The following EYS variants were observed in gnomAD, a reference collection of about 807,000 sequenced individuals.
The protein encoded by EYS is protein eyes shut homolog.
Under a neutral mutation model 282.1 loss-of-function variants are expected in EYS, and 250 were observed. The ratio of observed to expected loss-of-function variants is 0.89; its 90% confidence interval spans 0.80 to 0.98. The LOEUF (loss-of-function observed/expected upper bound fraction) is 0.98, where lower values mean the gene tolerates loss of function less well. Ranked by LOEUF, EYS falls within the 50% of genes least tolerant of loss-of-function variation. The probability of loss-of-function intolerance (pLI) is 0.00; values close to 1 mark genes in which losing one functional copy is unlikely to be tolerated. For missense variants in EYS, 4,016 were observed against 3,709.0 expected, an observed-to-expected ratio of 1.08 and a Z score of -2.15; for synonymous variants, 1,355 against 1,282.9, an observed-to-expected ratio of 1.06 and a Z score of -1.20.
intron 33 of EYS, among the ~76,000 whole-genome samples, chr6:64,046,325 AAT>A (rs937836197): frequency 1.3e-5 from 2 of 151,952 alleles, no homozygotes; most frequent in Non-Finnish European, 2.9e-5. Context: ...GAACATTTAA[AAT>A]GTCTCCTGTC....
chr6:64,042,798 C>T lies in EYS; in HGVS notation c.6725+23540G>A, dbSNP rs558452661. On this transcript the variant is annotated intron_variant, in intron 33 of 42. Transcript: ENST00000503581. ...GTCGACCACGTACTTTTAGGCTGGT[C>T]TCGGCTGACTTGCCTCTAGTCAATT... 5.3e-5 allele frequency among the ~76,000 whole-genome samples: 8 copies of T among 152,290 alleles called. No homozygotes were observed. In the South Asian group the frequency reaches 1.5e-3, roughly 28 times the overall value.
At chr6:63,721,882 A>C in intron 42 of EYS, 85 bp from the exon 43 acceptor site, 8 of 1,282,796 alleles carry the variant, frequency 6.2e-6, no homozygotes, top group Non-Finnish European at 8.4e-6. Context: ...AAGTTGGATA[A>C]GTTTTAGTTA....
intron 26 of EYS, among the ~76,000 whole-genome samples, chr6:64,511,631 TTTAG>T (rs1286048452): frequency 6.6e-6 from 1 of 152,032 alleles, no homozygotes; most frequent in African/African-American, 2.4e-5. Flanking sequence ...CGAACACTGC[TTTAG>T]TTAGTCTCCC....
intron 33 of EYS, among the ~76,000 whole-genome samples, chr6:64,000,985 C>G (rs1301706414): frequency 6.6e-6 from 1 of 152,148 alleles, no homozygotes; most frequent in Non-Finnish European, 1.5e-5. Context: ...ACTCTATAAA[C>G]AAATGAGATA....
chr6:65,560,737 T>C (rs990095089), intron 2 of EYS, among the ~76,000 whole-genome samples: 8 of 152,076 alleles, frequency 5.3e-5, no homozygotes, highest in Non-Finnish European at 1.2e-4. Context: ...ATGCGTAATA[T>C]AATGAATATA....
intron 37 of EYS, among the ~76,000 whole-genome samples, chr6:63,795,754 A>G (rs1276578393): frequency 6.6e-6 from 1 of 152,162 alleles, no homozygotes; most frequent in African/African-American, 2.4e-5. Context: ...ATGAACGAGA[A>G]GGGGAAATCT....
At chr6:65,562,820 C>A (rs77797106) in intron 2 of EYS, among the ~76,000 whole-genome samples, 6 of 151,846 alleles carry the variant, frequency 4.0e-5, no homozygotes, top group Admixed American at 3.9e-4. Context: ...TTTAACAGTC[C>A]TCTGCATGAA....
chr6:65,135,846 T>C (rs940783414), intron 12 of EYS, among the ~76,000 whole-genome samples: 7 of 152,060 alleles, frequency 4.6e-5, no homozygotes, highest in Admixed American at 4.6e-4. Flanking sequence ...TAAATGCAAA[T>C]TGTCCTGTAT....
intron 22 of EYS, among the ~76,000 whole-genome samples, chr6:64,694,119 G>T (rs1449963828): frequency 1.3e-5 from 2 of 152,030 alleles, no homozygotes; most frequent in Non-Finnish European, 2.9e-5. Context: ...AATGATAGTA[G>T]CTGAAAATTA....
At chr6:64,232,778 A>G (rs1766466085) in intron 30 of EYS, among the ~76,000 whole-genome samples, 1 of 152,202 alleles carries the variant, frequency 6.6e-6, no homozygotes, top group Admixed American at 6.5e-5. Context: ...GTAACTCTTT[A>G]GTTTTATAAA....
At chr6:64,772,588 A>C (rs1278011762) in intron 22 of EYS, among the ~76,000 whole-genome samples, 1 of 151,752 alleles carries the variant, frequency 6.6e-6, no homozygotes, top group East Asian at 1.9e-4. Context: ...GTGCTATCAA[A>C]TACTAGAACT....
intron 5 of EYS, among the ~76,000 whole-genome samples, chr6:65,457,002 C>T (rs1412679192): frequency 6.9e-6 from 1 of 144,324 alleles, no homozygotes; most frequent in African/African-American, 2.4e-5. Flanking sequence ...ACTTCTTTAC[C>T]CCCTTGAGTT....
chr6:65,666,942 C>A (rs1161248936), intron 1 of EYS, among the ~76,000 whole-genome samples: 3 of 149,394 alleles, frequency 2.0e-5, no homozygotes, highest in Non-Finnish European at 4.5e-5. Context: ...CGTAAATCTA[C>A]ATTGCCACCC....
intron 34 of EYS, among the ~76,000 whole-genome samples, chr6:63,986,539 C>T (rs1346564289): frequency 1.3e-5 from 2 of 151,556 alleles, no homozygotes; most frequent in African/African-American, 2.4e-5. Flanking sequence ...CCATCAGTGA[C>T]AGACTGGATA....
At chr6:65,161,029 T>C (rs1764839618) in intron 12 of EYS, among the ~76,000 whole-genome samples, 1 of 150,960 alleles carries the variant, frequency 6.6e-6, no homozygotes, top group Non-Finnish European at 1.5e-5. Flanking sequence ...AAAGTTTTCA[T>C]GGTATAACCT....
chr6:65,151,643 T>C (rs1043255802), intron 12 of EYS, among the ~76,000 whole-genome samples: 9 of 152,078 alleles, frequency 5.9e-5, no homozygotes, highest in Non-Finnish European at 8.8e-5. Context: ...TAATGTTCTA[T>C]AGCATGTTTC....
In EYS at chr6:64,436,511, T is replaced by G. The variant is rs114496265; in HGVS notation, c.5836-246A>C. On this transcript the variant is annotated intron_variant, in intron 27 of 42. Transcript: ENST00000503581. ...GCATACATGTGTACACATACATGTC[T>G]AGATTCTTTTCCAGTATTCTGAGGA... 2.8e-3 allele frequency among the ~76,000 whole-genome samples: 430 copies of G among 152,004 alleles called. 2 individuals carry two copies. Among genetic ancestry groups the G allele is most frequent in the Middle Eastern group, 6.8e-3 (2 of 294 alleles).
chr6:64,444,578 G>T (rs1054718863), intron 26 of EYS, among the ~76,000 whole-genome samples: 12 of 152,232 alleles, frequency 7.9e-5, no homozygotes, highest in African/African-American at 2.9e-4. Context: ...CAATTGTAAA[G>T]TACTTGAGAG....
At chr6:64,712,226 G>A (rs1305441924) in intron 22 of EYS, among the ~76,000 whole-genome samples, 2 of 152,226 alleles carry the variant, frequency 1.3e-5, no homozygotes, top group African/African-American at 4.8e-5. Context: ...GTGTGAATGT[G>A]AGTCTAAGAA....
Sources: gnomAD v4.1 joint callset for allele counts (sites outside exome capture counted in the v4.1 genomes callset) on GRCh38, gnomAD v4.1.1 for gene constraint, MANE v1.5 for transcripts, NCBI Gene and HGNC (gene_info 2026-07-23, HGNC 2026-07-21) for gene names.